Variants in PRIM2 observed in about 807,000 individuals in gnomAD.
PRIM2 encodes the protein DNA primase subunit 2.
Under a neutral mutation model 67.3 loss-of-function variants are expected in PRIM2, and 39 were observed. The ratio of observed to expected loss-of-function variants is 0.58; its 90% CI spans 0.45 to 0.76. PRIM2 has a LOEUF of 0.76. PRIM2 is among the 30% of genes least tolerant of loss of function. The probability of loss-of-function intolerance (pLI) is 0.00; values close to 1 mark genes in which losing one functional copy is unlikely to be tolerated. For synonymous variants in PRIM2, 143 were observed against 198.7 expected, an observed-to-expected ratio of 0.72 and a Z score of 2.36; for missense variants, 398 against 598.7, an observed-to-expected ratio of 0.66 and a Z score of 3.50.
intron 7 of PRIM2, among the ~76,000 whole-genome samples, chr6:57,436,745 ATAGAT>A (rs1480515667): frequency 1.3e-5 from 2 of 152,142 alleles, no homozygotes; most frequent in African/African-American, 4.8e-5. Context: ...CATTTTCTCT[ATAGAT>A]TATTTTCTTT....
chr6:57,486,190 AGAG>A (rs1340909752), intron 7 of PRIM2, among the ~76,000 whole-genome samples: 1 of 152,194 alleles, frequency 6.6e-6, no homozygotes. Context: ...ATGGGACAGA[AGAG>A]GAGGCCGAAA....
chr6:57,417,498 GT>G (rs1581885876), intron 7 of PRIM2, among the ~76,000 whole-genome samples: 2 of 152,182 alleles, frequency 1.3e-5, no homozygotes, highest in Non-Finnish European at 2.9e-5. Context: ...GCCATTGTGA[GT>G]TACTAATTTC....
chr6:57,596,033 C>A (rs1180147328), intron 10 of PRIM2, among the ~76,000 whole-genome samples: 1 of 151,790 alleles, frequency 6.6e-6, no homozygotes, highest in African/African-American at 2.4e-5. Context: ...TTATCAATGC[C>A]CAGGGAGTTC....
the PRIM2 span, among the ~76,000 whole-genome samples, chr6:57,261,564 T>G: frequency 4.6e-5 from 7 of 152,154 alleles, no homozygotes; most frequent in Admixed American, 4.6e-4. Context: ...AGGACAAGAC[T>G]AGCACATGGC....
intron 10 of PRIM2, among the ~76,000 whole-genome samples, chr6:57,565,804 AAAAT>A (rs1775725367): frequency 6.6e-6 from 1 of 152,244 alleles, no homozygotes; most frequent in African/African-American, 2.4e-5. Flanking sequence ...CCTCTTAAAA[AAAAT>A]AGACACTTTC....
the PRIM2 span, among the ~76,000 whole-genome samples, chr6:57,242,981 C>T: frequency 6.6e-6 from 1 of 152,222 alleles, no homozygotes; most frequent in African/African-American, 2.4e-5. Flanking sequence ...TCCATAAACC[C>T]ATGTTCTCCA....
chr6:57,627,864 T>C (rs1330320501), intron 12 of PRIM2, among the ~76,000 whole-genome samples: 1 of 152,252 alleles, frequency 6.6e-6, no homozygotes, highest in East Asian at 1.9e-4. Flanking sequence ...AAATAAAAAT[T>C]GTGTTTCTAA....
chr6:57,340,714 G>C (rs1768449130), intron 5 of PRIM2, among the ~76,000 whole-genome samples: 1 of 152,122 alleles, frequency 6.6e-6, no homozygotes, highest in Admixed American at 6.6e-5. Flanking sequence ...TGTGGGGTGG[G>C]GGTAGGGGTG....
intron 7 of PRIM2, among the ~76,000 whole-genome samples, chr6:57,397,985 G>T (rs1350308725): frequency 6.8e-6 from 1 of 147,916 alleles, no homozygotes; most frequent in Non-Finnish European, 1.5e-5. Context: ...TTTTGAGACG[G>T]AGTCTTGCTC....
chr6:57,384,632 A>G (rs1770078606), intron 7 of PRIM2, among the ~76,000 whole-genome samples: 1 of 152,148 alleles, frequency 6.6e-6, no homozygotes, highest in South Asian at 2.1e-4. Flanking sequence ...CTGCCCCTTT[A>G]GATGGGGTAT....
At chr6:57,244,505 A>C in the PRIM2 span, among the ~76,000 whole-genome samples, 2 of 152,214 alleles carry the variant, frequency 1.3e-5, no homozygotes, top group Non-Finnish European at 2.9e-5. Flanking sequence ...TTACACCTGT[A>C]ATCCTAGCAC....
At chr6:57,639,357 C>T (rs1777183718) in intron 13 of PRIM2, among the ~76,000 whole-genome samples, 1 of 151,814 alleles carries the variant, frequency 6.6e-6, no homozygotes, top group African/African-American at 2.4e-5. Flanking sequence ...GAAGCAAGAG[C>T]ACACAAATTC....
intron 7 of PRIM2, among the ~76,000 whole-genome samples, chr6:57,403,501 G>T (rs181347612): frequency 2.6e-5 from 4 of 151,812 alleles, no homozygotes; most frequent in Admixed American, 6.6e-5. Flanking sequence ...TGACCTCATG[G>T]TGCATCTGCC....
intron 7 of PRIM2, among the ~76,000 whole-genome samples, chr6:57,416,490 AAGTCAC>A (rs1771266830): frequency 4.6e-5 from 7 of 152,170 alleles, no homozygotes. Context: ...CTTCCACTTA[AAGTCAC>A]CAGCTGCATT....
intron 5 of PRIM2, among the ~76,000 whole-genome samples, chr6:57,371,496 A>G (rs563316017): frequency 6.6e-6 from 1 of 152,328 alleles, no homozygotes; most frequent in African/African-American, 2.4e-5. Context: ...TAAAAGGATC[A>G]TGACAGGTTA....
At chr6:57,533,973 C>T (rs1377599599) in intron 9 of PRIM2, among the ~76,000 whole-genome samples, 1 of 152,204 alleles carries the variant, frequency 6.6e-6, no homozygotes, top group Non-Finnish European at 1.5e-5. Context: ...GTGAGTAATA[C>T]AGATGTATCT....
intron 5 of PRIM2, among the ~76,000 whole-genome samples, chr6:57,369,891 A>T (rs1769487940): frequency 6.6e-6 from 1 of 152,248 alleles, no homozygotes; most frequent in Non-Finnish European, 1.5e-5. Flanking sequence ...TACAGAAACT[A>T]ATCAAAATGT....
chr6:57,372,819 G>T (rs539599539), intron 5 of PRIM2, among the ~76,000 whole-genome samples: 2 of 152,308 alleles, frequency 1.3e-5, no homozygotes, highest in Admixed American at 1.3e-4. Context: ...ATTCCGTGGT[G>T]TATATGTACC....
chr6:57,267,200 A>T, the PRIM2 span, among the ~76,000 whole-genome samples: 1 of 152,342 alleles, frequency 6.6e-6, no homozygotes, highest in South Asian at 2.1e-4. Context: ...TTTAGAGCAA[A>T]GCTTGATGCA....
Sources: allele counts gnomAD v4.1 joint callset (sites outside exome capture counted in the v4.1 genomes callset), GRCh38; gene constraint gnomAD v4.1.1; transcripts MANE v1.5; gene names NCBI Gene and HGNC (gene_info 2026-07-23, HGNC 2026-07-21).